KIZ: variants seen among roughly 807,000 people sequenced by gnomAD.
KIZ encodes the protein centrosomal protein kizuna.
In KIZ, 68 loss-of-function variants were observed where a neutral mutation model predicts 79.6. That is an observed-to-expected ratio of 0.85 (90% CI 0.70 to 1.05). The LOEUF (loss-of-function observed/expected upper bound fraction) is 1.05, where lower values mean the gene tolerates loss of function less well. Among genes scored for constraint, KIZ ranks in the 50% least tolerant of loss-of-function variants. The pLI is 0.00. For synonymous variants in KIZ, 280 were observed against 281.8 expected, an observed-to-expected ratio of 0.99 and a Z score of 0.06; for missense variants, 797 against 800.4, an observed-to-expected ratio of 1.00 and a Z score of 0.05.
intron 3 of KIZ, among the ~76,000 whole-genome samples, chr20:21,138,621 G>T (rs944257391): frequency 1.3e-5 from 2 of 152,128 alleles, no homozygotes; most frequent in Admixed American, 1.3e-4. Context: ...CCCTGGGTGA[G>T]GCTGACTTTG....
chr20:21,168,537 C>T (rs1445993185), intron 6 of KIZ, among the ~76,000 whole-genome samples: 3 of 152,166 alleles, frequency 2.0e-5, no homozygotes, highest in African/African-American at 7.2e-5. Flanking sequence ...AATGCCATCC[C>T]CATCAAGCTA....
intron 10 of KIZ, among the ~76,000 whole-genome samples, chr20:21,231,755 G>A (rs780407088): frequency 6.6e-6 from 1 of 152,148 alleles, no homozygotes; most frequent in Non-Finnish European, 1.5e-5. Flanking sequence ...TAGCAGGGAT[G>A]GGAGGTGGTG....
chr20:21,152,692 T>G (rs1326578694), intron 4 of KIZ, among the ~76,000 whole-genome samples: 2 of 152,210 alleles, frequency 1.3e-5, no homozygotes, highest in African/African-American at 4.8e-5. Flanking sequence ...GACAATTGCT[T>G]AGGCCTACGG....
intron 9 of KIZ, among the ~76,000 whole-genome samples, chr20:21,219,238 C>G (rs2036420761): frequency 6.6e-6 from 1 of 151,630 alleles, no homozygotes; most frequent in African/African-American, 2.4e-5. Context: ...AAACAACTTT[C>G]TAGCTCTTCA....
chr20:21,202,204 T>C (rs2035626146), intron 6 of KIZ: 1 of 152,242 alleles, frequency 6.6e-6, no homozygotes. Flanking sequence ...CCAGAGGGAC[T>C]GTTCTTTGAT....
chr20:21,154,086 G>C (rs1258055480), intron 4 of KIZ: 1 of 152,106 alleles, frequency 6.6e-6, no homozygotes, highest in Non-Finnish European at 1.5e-5. Context: ...TTAAGAACTT[G>C]CTTACATAGA....
At chr20:21,181,281 G>A (rs1369287593) in intron 6 of KIZ, among the ~76,000 whole-genome samples, 1 of 152,182 alleles carries the variant, frequency 6.6e-6, no homozygotes, top group Non-Finnish European at 1.5e-5. Flanking sequence ...CAGCCACCTG[G>A]TCTTGCCTCA....
In KIZ at chr20:21,238,218, G is replaced by T. The variant is rs867532640; in HGVS notation, c.1880+5388G>T. Among the ~76,000 whole-genome samples the T allele has an allele frequency of 5.3e-3, 734 of 138,674 alleles. 9 individuals carry two copies. The highest frequency in any genetic ancestry group is 0.018 in the African/African-American group (707 of 38,364). The allele number at this position is 138,674 out of a possible 152,430, so 91.0% of individuals were successfully genotyped here. ...ATAGCTCCACCATTCACTCTAGTTT[G>T]TTTTTTTTTTTTTTAAATAAAAGTC... On this transcript the variant is annotated intron_variant, in intron 11 of 12. Coordinates refer to ENST00000619189, the MANE Select transcript of KIZ (RefSeq NM_018474.6).
chr20:21,181,947 G>A, intron 6 of KIZ, among the ~76,000 whole-genome samples: 1 of 152,186 alleles, frequency 6.6e-6, no homozygotes, highest in Non-Finnish European at 1.5e-5. Flanking sequence ...GGAGTTGGTT[G>A]GTACTGCCCA....
rs537068910 is a variant in KIZ at position 21,234,773 on chromosome 20, T to TAAA, written c.1880+1962_1880+1964dup. ...AGAAAAAAAAAAAACCCACTGGACC[T>TAAA]AAAAAAAAAAAAAAAAAAAAATGGC... On this transcript the variant is annotated intron_variant, in intron 11 of 12. Coordinates refer to ENST00000619189, the MANE Select transcript of KIZ (RefSeq NM_018474.6). Among the ~76,000 whole-genome samples the TAAA allele has an allele frequency of 6.2e-5, 6 of 97,196 alleles. No individual in the cohort carries two copies. In the East Asian group the frequency reaches 1.2e-3, roughly 20 times the overall value. The allele number at this position is 97,196 out of a possible 152,430, so 63.8% of individuals were successfully genotyped here. A position where few individuals can be genotyped will look rare whatever the true frequency, so the allele number is the denominator to read the frequency against.
chr20:21,130,675 G>A (rs911374810), intron 1 of KIZ, among the ~76,000 whole-genome samples: 6 of 151,894 alleles, frequency 4.0e-5, no homozygotes, highest in Admixed American at 1.3e-4. Flanking sequence ...CAACCCATGG[G>A]TTGTGTTCCC....
intron 10 of KIZ, 54 bp downstream of exon 10, chr20:21,229,169 T>A: frequency 9.9e-7 from 1 of 1,010,904 alleles, no homozygotes; most frequent in Non-Finnish European, 1.5e-6. Flanking sequence ...GGCAGGGCTG[T>A]GTTCGGGGAA....
At chr20:21,195,000 C>G (rs1189197090) in intron 6 of KIZ, 1 of 152,208 alleles carries the variant, frequency 6.6e-6, no homozygotes, top group Middle Eastern at 3.2e-3. Flanking sequence ...AGTTGCTATT[C>G]TCACCAGGCT....
intron 3 of KIZ, among the ~76,000 whole-genome samples, chr20:21,140,717 G>T (rs1285385493): frequency 6.6e-6 from 1 of 152,146 alleles, no homozygotes; most frequent in Non-Finnish European, 1.5e-5. Flanking sequence ...GGTGGTTCAT[G>T]CCTGTAATCC....
intron 10 of KIZ, among the ~76,000 whole-genome samples, chr20:21,229,367 A>G (rs2036763836): frequency 6.6e-6 from 1 of 152,214 alleles, no homozygotes; most frequent in Admixed American, 6.5e-5. Flanking sequence ...CAAGCATGTC[A>G]TGATAGTGAC....
intron 10 of KIZ, among the ~76,000 whole-genome samples, chr20:21,231,802 A>G (rs901283681): frequency 6.6e-6 from 1 of 152,188 alleles, no homozygotes; most frequent in African/African-American, 2.4e-5. Flanking sequence ...CCCACATCTA[A>G]CTAATGAAGA....
intron 6 of KIZ, among the ~76,000 whole-genome samples, chr20:21,182,572 G>T (rs1410094210): frequency 6.6e-6 from 1 of 152,088 alleles, no homozygotes; most frequent in East Asian, 1.9e-4. Flanking sequence ...AAGGTGGGCG[G>T]ATTGCCTGAG....
intron 1 of KIZ, among the ~76,000 whole-genome samples, chr20:21,128,943 A>G (rs186629828): frequency 6.6e-6 from 1 of 152,330 alleles, no homozygotes; most frequent in Non-Finnish European, 1.5e-5. Flanking sequence ...ACTCAGCAAG[A>G]TAAGGACCAC....
At chr20:21,162,809 G>A in intron 5 of KIZ, 41 bp from the exon 6 acceptor site, 1 of 1,531,120 alleles carries the variant, frequency 6.5e-7, no homozygotes. Flanking sequence ...GCTTCCTCCT[G>A]AAGTCAGTGA....
Sources: allele counts gnomAD v4.1 joint callset (sites outside exome capture counted in the v4.1 genomes callset), GRCh38; gene constraint gnomAD v4.1.1; transcripts MANE v1.5; gene names NCBI Gene and HGNC (gene_info 2026-07-23, HGNC 2026-07-21).